Variants in HCN4 observed in about 807,000 individuals in gnomAD.
HCN4 encodes hyperpolarization activated cyclic nucleotide gated potassium channel 4.
A neutral mutation model predicts 76.9 loss-of-function variants in HCN4; 29 were observed. The observed-to-expected ratio is 0.38, with a 90% CI of 0.28 to 0.51. HCN4 has a LOEUF of 0.51. Ranked by LOEUF, HCN4 falls within the 20% of genes least tolerant of loss-of-function variation. HCN4 has a pLI of 0.90. For synonymous variants in HCN4, 772 were observed against 762.5 expected, an observed-to-expected ratio of 1.01 and a Z score of -0.21; for missense variants, 1,416 against 1,715.2, an observed-to-expected ratio of 0.83 and a Z score of 3.08.
Position 73,322,997 on chromosome 15 carries a change from T to G in HCN4, c.3096A>C (p.Pro1032=), listed in dbSNP as rs2042871783. Residue 1032 remains proline (P), a synonymous_variant, in exon 8 of 8, where the codon CCA becomes CCC. Coordinates refer to ENST00000261917, the MANE Select transcript of HCN4 (RefSeq NM_005477.3). The part of the protein sequence containing the change: ...RGGLSPPGHS[P]GPPRTFPSAP... Reference sequence around the variant, plus strand: ...CACTCGGGAAGGTTCTTGGGGGGCCTGGGCTGTGGCCAGGGGGGCTGAGAC... The same window carrying G: ...CACTCGGGAAGGTTCTTGGGGGGCCGGGGCTGTGGCCAGGGGGGCTGAGAC... The G allele has an allele frequency of 1.1e-5, 16 of 1,448,460 alleles. No homozygotes were observed. Among genetic ancestry groups the G allele is most frequent in the Non-Finnish European group, 1.5e-5 (16 of 1,101,760 alleles). The allele number at this position is 1,448,460 out of a possible 1,614,324, so 89.7% of individuals were successfully genotyped here.
chr15:73,368,911 T>G lies in HCN4; in HGVS notation c.-641A>C, dbSNP rs946525054. On this transcript the variant is annotated 5_prime_UTR_variant, in exon 1 of 8. Transcript: ENST00000261917. This position sits in a 1 kb window ranked among gnomAD's most constrained non-coding sequence, Gnocchi z 6.9. ...GCTCGGGCTCCCGCGCCCCGGAATA[T>G]TCATGAAGCCGCCGCAGCTCGCGGG... The G allele has an allele frequency of 1.3e-5, 2 of 152,130 alleles. No homozygotes were observed. Among genetic ancestry groups the G allele is most frequent in the East Asian group, 1.9e-4 (1 of 5,150 alleles). The allele number at this position is 152,130 out of a possible 1,614,324, so 9.4% of individuals were successfully genotyped here.
chr15:73,328,661 C>T lies in HCN4; in HGVS notation c.1590+912G>A, dbSNP rs944535417. 1.3e-5 allele frequency among the ~76,000 whole-genome samples: 2 copies of T among 152,000 alleles called. No individual in the cohort carries two copies. The highest frequency in any genetic ancestry group is 2.9e-5 in the Non-Finnish European group (2 of 68,028). ...CTCACGCTGTGGAGGCACAGGCCCACGCTCAAACAGAGCTCGGCAGCAGAG... is the reference window on the plus strand; with the variant it reads ...CTCACGCTGTGGAGGCACAGGCCCATGCTCAAACAGAGCTCGGCAGCAGAG... On this transcript the variant is annotated intron_variant, in intron 4 of 7. Coordinates refer to ENST00000261917, the MANE Select transcript of HCN4 (RefSeq NM_005477.3). This position sits in a 1 kb window ranked among gnomAD's most constrained non-coding sequence, Gnocchi z 4.0.
chr15:73,364,714 G>A (rs1248011380), intron 1 of HCN4, among the ~76,000 whole-genome samples: 1 of 152,180 alleles, frequency 6.6e-6, no homozygotes, highest in East Asian at 1.9e-4. Context: ...TCTATTGGGG[G>A]GTGGGATCGG....
chr15:73,351,976 C>T (rs2043056799), intron 1 of HCN4, among the ~76,000 whole-genome samples: 1 of 152,106 alleles, frequency 6.6e-6, no homozygotes, highest in Non-Finnish European at 1.5e-5. Flanking sequence ...ACCCACCTAC[C>T]CCCCTTGGTT....
At chr15:73,334,099 G>A (rs867506166) in intron 2 of HCN4, among the ~76,000 whole-genome samples, 1 of 152,164 alleles carries the variant, frequency 6.6e-6, no homozygotes, top group African/African-American at 2.4e-5. Flanking sequence ...CCAGCTTCTC[G>A]CCTCCCCAGC....
rs2042936414 is a variant in HCN4 at position 73,332,075 on chromosome 15, T to G, written c.1371+56A>C. ...GTTCCAAGTCCACATCTCGCCACCC[T>G]ACCTCTGGAGAGCCCGCCTATGGCC... On this transcript the variant is annotated intron_variant, in intron 3 of 7. Coordinates refer to ENST00000261917, the MANE Select transcript of HCN4 (RefSeq NM_005477.3). The G allele has an allele frequency of 1.1e-5, 17 of 1,573,380 alleles. No individual in the cohort carries two copies. The South Asian group carries it at 1.9e-4, about 17-fold the overall frequency.
intron 2 of HCN4, among the ~76,000 whole-genome samples, chr15:73,342,556 G>A (rs1293104167): frequency 2.6e-5 from 4 of 152,180 alleles, no homozygotes; most frequent in East Asian, 3.8e-4. Context: ...AAGGTGTGGC[G>A]CACACTATCC....
intron 1 of HCN4, among the ~76,000 whole-genome samples, chr15:73,351,179 A>G (rs1403382276): frequency 6.6e-6 from 1 of 151,676 alleles, no homozygotes; most frequent in East Asian, 1.9e-4. Context: ...CTCTGTTCTC[A>G]CTGCCTCTCC....
chr15:73,326,693 T>G (rs981573094), intron 4 of HCN4, among the ~76,000 whole-genome samples: 1 of 152,164 alleles, frequency 6.6e-6, no homozygotes, highest in African/African-American at 2.4e-5. Flanking sequence ...CATTTTAAAG[T>G]CTCAAATGAA....
Position 73,345,391 on chromosome 15 carries a change from C to A in HCN4, c.786-1583G>T, listed in dbSNP as rs910313135. On this transcript the variant is annotated intron_variant, in intron 1 of 7. Coordinates refer to ENST00000261917, the MANE Select transcript of HCN4 (RefSeq NM_005477.3). ...GCCTTATGGGGGATAAGGCCGGATG[C>A]CAAGAGGCCAACTTCAGCTCCTCTC... 3.9e-5 allele frequency among the ~76,000 whole-genome samples: 6 copies of A among 152,128 alleles called. No individual in the cohort carries two copies. The South Asian group carries it at 1.2e-3, about 32-fold the overall frequency.
intron 1 of HCN4, among the ~76,000 whole-genome samples, chr15:73,348,095 T>C (rs951947579): frequency 1.3e-5 from 2 of 152,162 alleles, no homozygotes; most frequent in Non-Finnish European, 2.9e-5. Context: ...TACACCGATA[T>C]CTGGAAATTT....
chr15:73,355,139 C>T (rs151291946), intron 1 of HCN4, among the ~76,000 whole-genome samples: 6 of 152,300 alleles, frequency 3.9e-5, no homozygotes, highest in African/African-American at 7.2e-5. Context: ...CAAGTAGGTC[C>T]GCTGGTCAGG....
rs1263837699 is a variant in HCN4, at chr15:73,343,686, T to C, written c.908A>G (p.Asp303Gly). 6.2e-7 allele frequency: 1 copy of C among 1,614,138 alleles called. No homozygotes were observed. Among genetic ancestry groups the C allele is most frequent in the South Asian group, 1.1e-5 (1 of 91,078 alleles). Reference protein sequence around the residue: ...TPWIVFNVVSDTFFLIDLVLN... With the variant: ...TPWIVFNVVSGTFFLIDLVLN... ...GACCAAGTCGATGAGGAAGAATGTG[T>C]CTGACACCACATTGAAGACAATCCA... The change falls in exon 2 of 8, where the codon GAC (aspartate) becomes GGC (glycine). Residue 303 changes from aspartate to glycine, a missense_variant. By Grantham distance (94) the Asp-to-Gly change is moderately conservative. Around this residue, in one of 6 missense-constraint regions of HCN4, gnomAD observed 52 missense variants for 129.1 expected, o/e 0.40. Coordinates refer to ENST00000261917, the MANE Select transcript of HCN4 (RefSeq NM_005477.3). This position sits in a 1 kb window ranked among gnomAD's most constrained non-coding sequence, Gnocchi z 5.7.
intron 3 of HCN4, among the ~76,000 whole-genome samples, chr15:73,330,404 G>GT (rs1396088315): frequency 3.3e-5 from 5 of 152,230 alleles, no homozygotes; most frequent in Non-Finnish European, 7.3e-5. Flanking sequence ...CACACAAGGC[G>GT]TGGGGACAGG....
rs747427482 is a variant in HCN4, at chr15:73,322,654, C to T, written c.3439G>A (p.Gly1147Ser). The change falls in exon 8 of 8, where the codon GGC (glycine) becomes AGC (serine). Residue 1147 changes from glycine to serine, a missense_variant. Physicochemically the swap from Gly to Ser is moderately conservative, Grantham distance 56 (BLOSUM62 0). This residue lies in a region of HCN4 where 633 missense variants were observed against 579.8 expected (regional missense o/e 1.09). Coordinates refer to ENST00000261917, the MANE Select transcript of HCN4 (RefSeq NM_005477.3). ...PPGRPYGAIP[G>S]QHVTLPRKTS... ...TTCCGAGGCAGAGTGACGTGCTGGCCGGGGATGGCACCATAGGGCCTCCCA... is the reference window on the plus strand; with the variant it reads ...TTCCGAGGCAGAGTGACGTGCTGGCTGGGGATGGCACCATAGGGCCTCCCA... 18 of 1,608,950 alleles carry T rather than the reference C, an allele frequency of 1.1e-5. No homozygotes were observed. Among genetic ancestry groups the T allele is most frequent in the East Asian group, 2.2e-5 (1 of 44,744 alleles).
chr15:73,368,537 TCCCTCTGGCG>T lies in HCN4; in HGVS notation c.-277_-268del, dbSNP rs577671006. Reference sequence around the variant, plus strand: ...CGCGCTCCCTTCTTGCCTCCCTCCCTCCCTCTGGCGTTCAGGGGCGCGGCGCGCCGCCCGG... The same window carrying T: ...CGCGCTCCCTTCTTGCCTCCCTCCCTTTCAGGGGCGCGGCGCGCCGCCCGG... On this transcript the variant is annotated 5_prime_UTR_variant, in exon 1 of 8. Coordinates refer to ENST00000261917, the MANE Select transcript of HCN4 (RefSeq NM_005477.3). The surrounding 1 kb of genome is among the most constrained non-coding windows in gnomAD (Gnocchi z 6.9). 2,454 of 265,850 alleles carry T rather than the reference TCCCTCTGGCG, an allele frequency of 9.2e-3. 16 individuals carry two copies. The highest frequency in any genetic ancestry group is 0.014 in the Non-Finnish European group (1,951 of 142,108). 16.5% of individuals were successfully genotyped at this position (265,850 alleles called of 1,614,324 possible).
chr15:73,324,347 A>T, intron 6 of HCN4, 94 bp from the exon 7 acceptor site: 1 of 1,407,986 alleles, frequency 7.1e-7, no homozygotes, highest in Non-Finnish European at 9.8e-7. Context: ...TGCCTGGCAC[A>T]GAAGCCTTGG....
intron 1 of HCN4, among the ~76,000 whole-genome samples, chr15:73,350,782 C>T (rs528245341): frequency 6.6e-6 from 1 of 152,226 alleles, no homozygotes; most frequent in East Asian, 1.9e-4. Context: ...CCCTCTCTCT[C>T]TTCCATCTGT....
Position 73,321,593 on chromosome 15 carries a change from G to A in HCN4, c.*888C>T, listed in dbSNP as rs2042858398. The A allele has an allele frequency of 6.5e-6, 1 of 152,726 alleles. No homozygotes were observed. Among genetic ancestry groups the A allele is most frequent in the African/African-American group, 2.4e-5 (1 of 41,452 alleles). The allele number at this position is 152,726 out of a possible 1,614,324, so 9.5% of individuals were successfully genotyped here. A position where few individuals can be genotyped will look rare whatever the true frequency, so the allele number is the denominator to read the frequency against. Reference sequence around the variant, plus strand: ...GGGCAAACTGACGGCCCCAGAGGTGGCGGTGTGTGCTTGAGGCCCTAGGAA... The same window carrying A: ...GGGCAAACTGACGGCCCCAGAGGTGACGGTGTGTGCTTGAGGCCCTAGGAA... On this transcript the variant is annotated 3_prime_UTR_variant, in exon 8 of 8. Transcript: ENST00000261917.
Sources: gnomAD v4.1 joint callset for allele counts (sites outside exome capture counted in the v4.1 genomes callset) on GRCh38, gnomAD v4.1.1 for gene constraint, gnomAD v4.1.1 regional missense constraint, Gnocchi (gnomAD v3.1) non-coding constraint, MANE v1.5 for transcripts, NCBI Gene and HGNC (gene_info 2026-07-23, HGNC 2026-07-21) for gene names.